SEMA3E: variants seen among roughly 807,000 people sequenced by gnomAD.
SEMA3E encodes semaphorin-3E.
SEMA3E carries 49 observed loss-of-function variants against 93.6 expected under a neutral mutation model. The observed-to-expected ratio is 0.52, with a 90% CI of 0.42 to 0.66. The LOEUF is 0.66. Ranked by LOEUF, SEMA3E falls within the 30% of genes least tolerant of loss-of-function variation. The probability of loss-of-function intolerance (pLI) is 0.00; values close to 1 mark genes in which losing one functional copy is unlikely to be tolerated. For missense variants in SEMA3E, 906 were observed against 964.8 expected (o/e 0.94, Z 0.81); for synonymous variants, 363 against 330.7 (o/e 1.10, Z -1.06).
At chr7:83,481,395 G>A (rs192767938) in intron 2 of SEMA3E, among the ~76,000 whole-genome samples, 82 of 151,658 alleles carry the variant, frequency 5.4e-4, no homozygotes, top group East Asian at 2.1e-3. Context: ...ACAAAAACAC[G>A]TTTTTTTTCA....
intron 4 of SEMA3E, among the ~76,000 whole-genome samples, chr7:83,462,560 T>G (rs942799815): frequency 1.3e-5 from 2 of 152,084 alleles, no homozygotes; most frequent in African/African-American, 4.8e-5. Flanking sequence ...CCCACAAGTA[T>G]AAGATACCTC....
chr7:83,519,708 C>A (rs1791005801), intron 1 of SEMA3E, among the ~76,000 whole-genome samples: 1 of 152,102 alleles, frequency 6.6e-6, no homozygotes, highest in Non-Finnish European at 1.5e-5. Context: ...TTATCTTTAG[C>A]CCCTACTAAA....
chr7:83,374,945 C>T (rs1049962517), intron 16 of SEMA3E, among the ~76,000 whole-genome samples: 1 of 151,780 alleles, frequency 6.6e-6, no homozygotes, highest in African/African-American at 2.4e-5. Context: ...AAACAAGAGC[C>T]AAAATCAAGC....
chr7:83,541,581 C>T (rs985529679), intron 1 of SEMA3E, among the ~76,000 whole-genome samples: 1 of 152,040 alleles, frequency 6.6e-6, no homozygotes, highest in Admixed American at 6.6e-5. Context: ...CAAAGGCCAA[C>T]GAAGCAGCAA....
chr7:83,583,577 C>T (rs1174828224), intron 1 of SEMA3E, among the ~76,000 whole-genome samples: 1 of 152,138 alleles, frequency 6.6e-6, no homozygotes, highest in Admixed American at 6.6e-5. Flanking sequence ...CCACTCGATT[C>T]CATCCCCATC....
At position 83,646,183 on chromosome 7, in the gene SEMA3E, A is replaced by G. The variant is rs117015000; in HGVS notation, c.115+2245T>C. 2.2e-4 allele frequency among the ~76,000 whole-genome samples: 34 copies of G among 152,218 alleles called. No individual in the cohort carries two copies. In the East Asian group the frequency reaches 6.4e-3, roughly 29 times the overall value. The stretch of plus-strand genomic sequence containing the variant: ...AGATTATATACTCATTTAAATATTA[A>G]TTACTTAATTCACTCGCTACTGAAC... On this transcript the variant is annotated intron_variant, in intron 1 of 16. Transcript: ENST00000643230.
At chr7:83,613,990 C>T (rs1006230831) in intron 1 of SEMA3E, among the ~76,000 whole-genome samples, 5 of 151,994 alleles carry the variant, frequency 3.3e-5, no homozygotes, top group Non-Finnish European at 7.4e-5. Flanking sequence ...ATCACTGAGT[C>T]TCTAATTGGA....
chr7:83,367,203 T>C lies in SEMA3E; in HGVS notation c.*383A>G, dbSNP rs933707047. ...GATGGAAAAGAAAAATTCAGAAATATTAAAACATATTTAGTTTTATATTTA... is the reference window on the plus strand; with the variant it reads ...GATGGAAAAGAAAAATTCAGAAATACTAAAACATATTTAGTTTTATATTTA... On this transcript the variant is annotated 3_prime_UTR_variant, in exon 17 of 17. Transcript: ENST00000643230. 9.2e-6 allele frequency: 2 copies of C among 217,696 alleles called. No individual in the cohort carries two copies. The highest frequency in any genetic ancestry group is 4.7e-5 in the African/African-American group (2 of 42,308). The allele number at this position is 217,696 out of a possible 1,614,324, so 13.5% of individuals were successfully genotyped here.
At chr7:83,436,407 TAAG>T (rs2115766669) in intron 4 of SEMA3E, among the ~76,000 whole-genome samples, 1 of 151,644 alleles carries the variant, frequency 6.6e-6, no homozygotes, top group East Asian at 1.9e-4. Flanking sequence ...AAGTGGCAGA[TAAG>T]AAAGATGAAG....
At chr7:83,417,920 A>C (rs2709895) in intron 5 of SEMA3E, among the ~76,000 whole-genome samples, 81,104 of 151,920 alleles carry the variant, frequency 0.53, 23,443 homozygotes, top group East Asian at 0.84. Flanking sequence ...ACAGAAATTT[A>C]GATAAATAAA....
At chr7:83,386,359 A>C (rs1787881224) in intron 15 of SEMA3E, among the ~76,000 whole-genome samples, 1 of 152,072 alleles carries the variant, frequency 6.6e-6, no homozygotes, top group Non-Finnish European at 1.5e-5. Flanking sequence ...GACACTAAAT[A>C]CAGCCTATTC....
chr7:83,629,544 G>A (rs1252552804), intron 1 of SEMA3E, among the ~76,000 whole-genome samples: 2 of 152,172 alleles, frequency 1.3e-5, no homozygotes, highest in African/African-American at 4.8e-5. Flanking sequence ...GCCGAGCTAC[G>A]ATGGGCTCTG....
At chr7:83,492,796 A>T (rs146129140) in intron 1 of SEMA3E, among the ~76,000 whole-genome samples, 391 of 152,050 alleles carry the variant, frequency 2.6e-3, no homozygotes, top group Middle Eastern at 6.8e-3. Context: ...TAAATTACCA[A>T]TGTATTTTAT....
chr7:83,639,124 A>AC (rs1562865986), intron 1 of SEMA3E, among the ~76,000 whole-genome samples: 3 of 138,030 alleles, frequency 2.2e-5, no homozygotes, highest in African/African-American at 8.3e-5. Context: ...AAAAAAAAAA[A>AC]AAAAAAAAAA....
chr7:83,570,152 C>A (rs1012274812), intron 1 of SEMA3E, among the ~76,000 whole-genome samples: 1 of 152,040 alleles, frequency 6.6e-6, no homozygotes, highest in African/African-American at 2.4e-5. Flanking sequence ...AGGCAGAAAT[C>A]AAAAAATTCT....
At chr7:83,458,434 C>T (rs966134783) in intron 4 of SEMA3E, among the ~76,000 whole-genome samples, 33 of 152,054 alleles carry the variant, frequency 2.2e-4, no homozygotes, top group South Asian at 6.2e-4. Context: ...CTTGAGGAAA[C>T]CCCTTAATTC....
At position 83,407,096 on chromosome 7, in the gene SEMA3E, C is replaced by T; in HGVS notation, c.813+1G>A. 2 of 1,613,380 alleles carry T rather than the reference C, an allele frequency of 1.2e-6. No individual in the cohort carries two copies. The highest frequency in any genetic ancestry group is 1.7e-6 in the Non-Finnish European group (2 of 1,179,720). On this transcript the variant is annotated splice_donor_variant, in intron 7 of 16. Coordinates refer to ENST00000643230, the MANE Select transcript of SEMA3E (RefSeq NM_012431.3). LOFTEE classifies it high-confidence loss of function. ...AAGCATAATGAGAGAGAAAGCCTCA[C>T]CACACAGAGTCGCCCGACCCTGGTG...
At chr7:83,480,319 T>C (rs907666908) in intron 2 of SEMA3E, among the ~76,000 whole-genome samples, 3 of 152,026 alleles carry the variant, frequency 2.0e-5, no homozygotes, top group African/African-American at 4.8e-5. Flanking sequence ...GGCACACACT[T>C]GTAGGGGCCA....
chr7:83,620,068 C>A (rs1793519594), intron 1 of SEMA3E, among the ~76,000 whole-genome samples: 1 of 151,636 alleles, frequency 6.6e-6, no homozygotes, highest in Non-Finnish European at 1.5e-5. Flanking sequence ...TTTAATAAGT[C>A]CTGGGAGAAA....
Sources: gnomAD v4.1 joint callset for allele counts (sites outside exome capture counted in the v4.1 genomes callset) on GRCh38, gnomAD v4.1.1 for gene constraint, MANE v1.5 for transcripts, NCBI Gene and HGNC (gene_info 2026-07-23, HGNC 2026-07-21) for gene names.